Variants in DOK6 observed in about 807,000 individuals in gnomAD.
DOK6 encodes the protein downstream of tyrosine kinase 6.
Under a neutral mutation model 44.0 loss-of-function variants are expected in DOK6, and 22 were observed. The observed-to-expected ratio is 0.50, with a 90% CI of 0.36 to 0.71. The LOEUF (loss-of-function observed/expected upper bound fraction) is 0.71. Ranked by LOEUF, DOK6 falls within the 30% of genes least tolerant of loss-of-function variation. The pLI is 0.00. For synonymous variants in DOK6, 166 were observed against 145.5 expected, an observed-to-expected ratio of 1.14 and a Z score of -1.01; for missense variants, 340 against 416.4, an observed-to-expected ratio of 0.82 and a Z score of 1.60.
chr18:69,826,301 GGTTTTCA>G (rs1276287507), intron 7 of DOK6, among the ~76,000 whole-genome samples: 1 of 152,086 alleles, frequency 6.6e-6, no homozygotes, highest in East Asian at 1.9e-4. Flanking sequence ...ATATCCTGCA[GGTTTTCA>G]GTTCCATCAG....
intron 3 of DOK6, among the ~76,000 whole-genome samples, chr18:69,631,260 C>T (rs1413068238): frequency 2.6e-5 from 4 of 152,088 alleles, no homozygotes; most frequent in Non-Finnish European, 5.9e-5. Context: ...CTCACAACTC[C>T]ATTAGGGATT....
chr18:69,551,868 T>C (rs1253199560), intron 1 of DOK6, among the ~76,000 whole-genome samples: 1 of 152,198 alleles, frequency 6.6e-6, no homozygotes, highest in African/African-American at 2.4e-5. Flanking sequence ...CCAAATTGAT[T>C]ATTAATGTTC....
chr18:69,613,473 A>G (rs1984212158), intron 3 of DOK6, among the ~76,000 whole-genome samples: 2 of 152,368 alleles, frequency 1.3e-5, no homozygotes, highest in South Asian at 4.1e-4. Flanking sequence ...TTTGGTTAAT[A>G]GACTCTGCCA....
chr18:69,676,823 C>A lies in DOK6; in HGVS notation c.290-911C>A, dbSNP rs553634631. ...CTAACCCTTGGCTACCTCACTCGCA[C>A]AGGGCTTACACCAAAGTCAAATTCA... On this transcript the variant is annotated intron_variant, in intron 3 of 7. Coordinates refer to ENST00000382713, the MANE Select transcript of DOK6 (RefSeq NM_152721.6). 6.6e-5 allele frequency among the ~76,000 whole-genome samples: 10 copies of A among 152,296 alleles called. No individual in the cohort carries two copies. The South Asian group carries it at 2.1e-3, about 32-fold the overall frequency.
chr18:69,605,616 A>T (rs1394555602), intron 3 of DOK6, among the ~76,000 whole-genome samples: 1 of 152,182 alleles, frequency 6.6e-6, no homozygotes, highest in East Asian at 1.9e-4. Flanking sequence ...TCAGGAAATA[A>T]TCCCACTCAT....
In DOK6 at chr18:69,844,849, C is replaced by G. The variant is rs1010684929; in HGVS notation, c.*3466C>G. 1 of 152,124 alleles carries G rather than the reference C, an allele frequency of 6.6e-6. No homozygotes were observed. The highest frequency in any genetic ancestry group is 2.4e-5 in the African/African-American group (1 of 41,430). 9.4% of individuals were successfully genotyped at this position (152,124 alleles called of 1,614,324 possible). On this transcript the variant is annotated 3_prime_UTR_variant, in exon 8 of 8. Transcript: ENST00000382713. Reference sequence around the variant, plus strand: ...CTAGAGAACTAGTCCTAGTATCTTGCGTAATTCTTCTCTGTCTTCATTGGG... The same window carrying G: ...CTAGAGAACTAGTCCTAGTATCTTGGGTAATTCTTCTCTGTCTTCATTGGG...
At chr18:69,699,185 C>T (rs542120151) in intron 5 of DOK6, among the ~76,000 whole-genome samples, 123 of 152,128 alleles carry the variant, frequency 8.1e-4, no homozygotes, top group African/African-American at 2.7e-3. Flanking sequence ...GCTATGACCC[C>T]ATTGTAGTAT....
At chr18:69,788,298 C>G (rs1433868996) in intron 7 of DOK6, among the ~76,000 whole-genome samples, 2 of 152,178 alleles carry the variant, frequency 1.3e-5, no homozygotes, top group African/African-American at 4.8e-5. Context: ...GTGTTAATGT[C>G]TTTAGGAATC....
At chr18:69,829,238 A>C (rs1206024099) in intron 7 of DOK6, among the ~76,000 whole-genome samples, 1 of 121,548 alleles carries the variant, frequency 8.2e-6, no homozygotes, top group Non-Finnish European at 1.9e-5. Flanking sequence ...GAAATGAGAG[A>C]CTTTGGTTCC....
intron 1 of DOK6, among the ~76,000 whole-genome samples, chr18:69,556,919 T>TGAAAGGCAAAAGTGCAAACACTTAAG (rs1982701794): frequency 6.6e-6 from 1 of 152,228 alleles, no homozygotes; most frequent in African/African-American, 2.4e-5. Context: ...ACACACGTTT[T>TGAAAGGCAAAAGTGCAAACACTTAAG]GTCAAAGGGC....
In DOK6 at chr18:69,742,429, GAA is replaced by G. The variant is rs945947417; in HGVS notation, c.738+3330_738+3331del. Among the ~76,000 whole-genome samples, 6 of 142,152 alleles carry G rather than the reference GAA, an allele frequency of 4.2e-5. No individual in the cohort carries two copies. In the South Asian group the frequency reaches 6.5e-4, roughly 15 times the overall value. The allele number at this position is 142,152 out of a possible 152,430, so 93.3% of individuals were successfully genotyped here. On this transcript the variant is annotated intron_variant, in intron 6 of 7. Coordinates refer to ENST00000382713, the MANE Select transcript of DOK6 (RefSeq NM_152721.6). Reference sequence around the variant, plus strand: ...AACTCCATCTCAAAAAAAAAAAAAAGAAAAAGAAAAAGAAAAATTTATCAACA... The same window carrying G: ...AACTCCATCTCAAAAAAAAAAAAAAGAAAGAAAAAGAAAAATTTATCAACA...
At chr18:69,455,625 T>C (rs1979613909) in intron 1 of DOK6, among the ~76,000 whole-genome samples, 1 of 152,216 alleles carries the variant, frequency 6.6e-6, no homozygotes, top group Non-Finnish European at 1.5e-5. Flanking sequence ...TTTATCAATG[T>C]ATCAGTTTGT....
At chr18:69,403,841 T>C (rs997635127) in intron 1 of DOK6, among the ~76,000 whole-genome samples, 2 of 152,202 alleles carry the variant, frequency 1.3e-5, no homozygotes, top group Non-Finnish European at 2.9e-5. Context: ...AAATTGAAGT[T>C]ATCCAAACAT....
At chr18:69,488,786 T>G (rs1281607126) in intron 1 of DOK6, among the ~76,000 whole-genome samples, 1 of 152,210 alleles carries the variant, frequency 6.6e-6, no homozygotes, top group Non-Finnish European at 1.5e-5. Context: ...GAAACTACAA[T>G]TCAAGATGAG....
At chr18:69,752,039 TA>T (rs71989648) in intron 6 of DOK6, among the ~76,000 whole-genome samples, 4 of 151,668 alleles carry the variant, frequency 2.6e-5, no homozygotes, top group African/African-American at 7.3e-5. Flanking sequence ...CTTGAGAAGG[TA>T]AAAAAAATAG....
At chr18:69,414,717 G>T (rs1978321206) in intron 1 of DOK6, among the ~76,000 whole-genome samples, 1 of 151,988 alleles carries the variant, frequency 6.6e-6, no homozygotes, top group Non-Finnish European at 1.5e-5. Flanking sequence ...TTTACAAGAA[G>T]TTACTATGGG....
chr18:69,572,161 G>A (rs530389142), intron 2 of DOK6, among the ~76,000 whole-genome samples: 1 of 152,168 alleles, frequency 6.6e-6, no homozygotes, highest in African/African-American at 2.4e-5. Flanking sequence ...ATTCTAAACT[G>A]AAAGATAGCA....
intron 3 of DOK6, among the ~76,000 whole-genome samples, chr18:69,648,849 T>C (rs1985149537): frequency 6.6e-6 from 1 of 152,240 alleles, no homozygotes; most frequent in Non-Finnish European, 1.5e-5. Flanking sequence ...CTAGTTCCTA[T>C]GCAGAAGGTC....
intron 1 of DOK6, among the ~76,000 whole-genome samples, chr18:69,550,303 C>T (rs945530220): frequency 1.3e-5 from 2 of 152,020 alleles, no homozygotes; most frequent in African/African-American, 2.4e-5. Flanking sequence ...GAAAGTAGCA[C>T]TGATGAAATT....
Sources: gnomAD v4.1 joint callset for allele counts (sites outside exome capture counted in the v4.1 genomes callset) on GRCh38, gnomAD v4.1.1 for gene constraint, MANE v1.5 for transcripts, NCBI Gene and HGNC (gene_info 2026-07-23, HGNC 2026-07-21) for gene names.